CHODL: variants seen among roughly 807,000 people sequenced by gnomAD.
The protein encoded by CHODL is transmembrane protein MT75.
A neutral mutation model predicts 34.5 loss-of-function variants in CHODL; 29 were observed. The observed-to-expected ratio is 0.84, with a 90% CI of 0.63 to 1.15. The LOEUF is 1.15. Ranked by LOEUF, CHODL falls within the 50% of genes most tolerant of loss-of-function variation. CHODL has a pLI of 0.00. For synonymous variants in CHODL, 125 were observed against 116.1 expected, an observed-to-expected ratio of 1.08 and a Z score of -0.49; for missense variants, 332 against 332.5, an observed-to-expected ratio of 1.00 and a Z score of 0.01.
chr21:18,146,017 G>A (rs1342565533), intron 2 of CHODL, among the ~76,000 whole-genome samples: 1 of 152,054 alleles, frequency 6.6e-6, no homozygotes, highest in South Asian at 2.1e-4. Flanking sequence ...CACCCAGGCT[G>A]GAGTGCAGTG....
chr21:18,178,569 T>G (rs1334003039), intron 2 of CHODL, among the ~76,000 whole-genome samples: 1 of 152,224 alleles, frequency 6.6e-6, no homozygotes, highest in East Asian at 1.9e-4. Context: ...ATCTGTTACA[T>G]GTATTATATA....
At chr21:18,062,192 A>G (rs1272691650) in intron 2 of CHODL, among the ~76,000 whole-genome samples, 1 of 152,112 alleles carries the variant, frequency 6.6e-6, no homozygotes, top group Non-Finnish European at 1.5e-5. Context: ...ACTTTTGAGA[A>G]TGACAGGCAA....
At position 17,941,447 on chromosome 21, in the gene CHODL, C is replaced by CT. The variant is rs75876564; in HGVS notation, c.-145+24064dup. 4.5e-3 allele frequency among the ~76,000 whole-genome samples: 540 copies of CT among 121,166 alleles called. 1 individual carries two copies. The highest frequency in any genetic ancestry group is 9.5e-3 in the South Asian group (36 of 3,782). The allele number at this position is 121,166 out of a possible 152,430, so 79.5% of individuals were successfully genotyped here. ...TGCATGCATAAATTCAGGAGCTGGGCTTTTTTTTTTTTTTTTTCTGAATGT... is the reference window on the plus strand; with the variant it reads ...TGCATGCATAAATTCAGGAGCTGGGCTTTTTTTTTTTTTTTTTTCTGAATGT... On this transcript the variant is annotated intron_variant, in intron 1 of 6. Coordinates refer to the CHODL transcript ENST00000400127.
chr21:17,964,388 A>G (rs932111032), intron 1 of CHODL, among the ~76,000 whole-genome samples: 1 of 152,224 alleles, frequency 6.6e-6, no homozygotes, highest in East Asian at 1.9e-4. Flanking sequence ...CGTGCTGAAC[A>G]TGAAAATGCC....
chr21:18,050,365 A>G (rs1476106984), intron 2 of CHODL, among the ~76,000 whole-genome samples: 2 of 151,952 alleles, frequency 1.3e-5, no homozygotes, highest in Non-Finnish European at 2.9e-5. Context: ...AAGTCCTTGA[A>G]CACGTTTAAG....
At chr21:18,109,255 G>A (rs901709328) in intron 2 of CHODL, among the ~76,000 whole-genome samples, 1 of 152,058 alleles carries the variant, frequency 6.6e-6, no homozygotes, top group Non-Finnish European at 1.5e-5. Flanking sequence ...TATGGTAGAG[G>A]GTAGAGCATC....
intron 1 of CHODL, among the ~76,000 whole-genome samples, chr21:17,996,048 C>A (rs1456271731): frequency 6.6e-6 from 1 of 152,120 alleles, no homozygotes; most frequent in Non-Finnish European, 1.5e-5. Flanking sequence ...TATGTGGCAT[C>A]TGATTGAGTG....
intron 1 of CHODL, among the ~76,000 whole-genome samples, chr21:18,248,846 GTATATATACATTGTATATGTGTA>G: frequency 8.5e-6 from 1 of 117,906 alleles, no homozygotes; most frequent in African/African-American, 3.4e-5. Flanking sequence ...GTATATGTAT[GTATATATACATTGTATATGTGTA>G]TATATATGTA....
At chr21:18,167,605 G>T (rs1239509669) in intron 2 of CHODL, among the ~76,000 whole-genome samples, 2 of 152,106 alleles carry the variant, frequency 1.3e-5, no homozygotes, top group East Asian at 3.9e-4. Flanking sequence ...CACCGTGCCC[G>T]GCCTTTATTA....
At chr21:18,046,729 A>G (rs2064448293) in intron 2 of CHODL, among the ~76,000 whole-genome samples, 1 of 151,990 alleles carries the variant, frequency 6.6e-6, no homozygotes, top group Admixed American at 6.6e-5. Context: ...TAATTGCTCA[A>G]AAAATGAATA....
intron 2 of CHODL, among the ~76,000 whole-genome samples, chr21:18,145,759 C>A (rs1163594406): frequency 6.6e-6 from 1 of 152,086 alleles, no homozygotes; most frequent in Non-Finnish European, 1.5e-5. Flanking sequence ...GACAAAGAAA[C>A]CAGATTATGG....
chr21:18,127,672 G>GTTTTTTTTTTTTTTTT (rs71318127), intron 2 of CHODL, among the ~76,000 whole-genome samples: 3 of 70,004 alleles, frequency 4.3e-5, no homozygotes, highest in African/African-American at 1.6e-4. Context: ...CGTTGCCATT[G>GTTTTTTTTTTTTTTTT]TTTTTTTTTT....
chr21:17,996,281 C>T (rs1212359305), intron 1 of CHODL, among the ~76,000 whole-genome samples: 1 of 152,222 alleles, frequency 6.6e-6, no homozygotes, highest in Non-Finnish European at 1.5e-5. Context: ...AAACATGAGG[C>T]TACAGTGAAG....
intron 2 of CHODL, among the ~76,000 whole-genome samples, chr21:18,174,330 T>G (rs567089280): frequency 6.6e-6 from 1 of 151,512 alleles, no homozygotes; most frequent in African/African-American, 2.4e-5. Flanking sequence ...TGCAATTTTT[T>G]TATACTAGGT....
intron 1 of CHODL, among the ~76,000 whole-genome samples, chr21:17,931,882 A>C (rs2063276393): frequency 6.6e-6 from 1 of 152,220 alleles, no homozygotes; most frequent in Non-Finnish European, 1.5e-5. Context: ...ACTGTTCAGA[A>C]TATTGGCCTA....
chr21:17,928,106 G>C (rs879397636), intron 1 of CHODL, among the ~76,000 whole-genome samples: 1 of 152,140 alleles, frequency 6.6e-6, no homozygotes, highest in African/African-American at 2.4e-5. Flanking sequence ...CGAATTTAAG[G>C]GTTGTTCTCA....
chr21:18,122,391 G>A (rs1222291316), intron 2 of CHODL, among the ~76,000 whole-genome samples: 2 of 152,070 alleles, frequency 1.3e-5, no homozygotes, highest in Non-Finnish European at 2.9e-5. Context: ...TACTGAAGGA[G>A]GATAATTAAT....
Position 18,256,507 on chromosome 21 carries a change from A to C in CHODL, c.80-2A>C. 6.4e-7 allele frequency: 1 copy of C among 1,551,236 alleles called. No individual in the cohort carries two copies. The highest frequency in any genetic ancestry group is 1.2e-5 in the South Asian group (1 of 82,232). The stretch of plus-strand genomic sequence containing the variant: ...ATATGGGCATCTTTTTTTTTTTTTC[A>C]GGCCAAAAGGTGTGTTTTGCTGACT... On this transcript the variant is annotated splice_acceptor_variant, in intron 1 of 5. Transcript: ENST00000299295. LOFTEE classifies it high-confidence loss of function.
At chr21:18,193,500 C>G (rs1429190043) in intron 2 of CHODL, among the ~76,000 whole-genome samples, 2 of 151,668 alleles carry the variant, frequency 1.3e-5, no homozygotes, top group Admixed American at 6.6e-5. Flanking sequence ...TTGAGACCAT[C>G]CTGCCCAACA....
Sources: allele counts gnomAD v4.1 joint callset (sites outside exome capture counted in the v4.1 genomes callset), GRCh38; gene constraint gnomAD v4.1.1; transcripts MANE v1.5; gene names NCBI Gene and HGNC (gene_info 2026-07-23, HGNC 2026-07-21).